Variants in EPB41L4B observed in about 807,000 individuals in gnomAD.
EPB41L4B encodes the protein band 4.1-like protein 4B.
In EPB41L4B, 30 loss-of-function variants were observed where a neutral mutation model predicts 112.5. That is an observed-to-expected ratio of 0.27 (90% CI 0.20 to 0.36). The LOEUF is 0.36. Ranked by LOEUF, EPB41L4B falls within the 10% of genes least tolerant of loss-of-function variation. The pLI, the probability that EPB41L4B is intolerant of heterozygous loss-of-function variation, is 1.00. For synonymous variants in EPB41L4B, 408 were observed against 439.7 expected, an observed-to-expected ratio of 0.93 and a Z score of 0.90; for missense variants, 1,024 against 1,133.3, an observed-to-expected ratio of 0.90 and a Z score of 1.38.
At chr9:109,267,610 G>T in intron 3 of EPB41L4B, 59 bp from the exon 4 acceptor site, 1 of 1,152,810 alleles carries the variant, frequency 8.7e-7, no homozygotes, top group Non-Finnish European at 1.3e-6. Flanking sequence ...AAGATCACAG[G>T]ATGGACAAAA....
At chr9:109,268,314 T>C in intron 3 of EPB41L4B, 77 bp downstream of exon 3, 1 of 1,324,108 alleles carries the variant, frequency 7.6e-7, no homozygotes, top group Non-Finnish European at 1.0e-6. Flanking sequence ...AATGAAAACA[T>C]AACACCTCAA....
chr9:109,240,416 A>C (rs1834313915), intron 15 of EPB41L4B: 1 of 985,346 alleles, frequency 1.0e-6, no homozygotes, highest in Non-Finnish European at 1.2e-6. Context: ...TTTTAGTAAT[A>C]AAATATCTCA....
intron 23 of EPB41L4B, 136 bp downstream of exon 23, chr9:109,185,353 G>A (rs1832214598): frequency 1.4e-6 from 1 of 701,920 alleles, no homozygotes; most frequent in South Asian, 1.7e-5. Context: ...CATCCATCTG[G>A]AGTGAGGGCA....
At chr9:109,303,848 A>C (rs1837073492) in intron 1 of EPB41L4B, among the ~76,000 whole-genome samples, 2 of 152,102 alleles carry the variant, frequency 1.3e-5, no homozygotes, top group Admixed American at 6.6e-5. Flanking sequence ...TGACCGGATA[A>C]GTTTTATAAA....
chr9:109,256,844 A>G (rs1835001500), intron 7 of EPB41L4B, among the ~76,000 whole-genome samples: 1 of 152,208 alleles, frequency 6.6e-6, no homozygotes, highest in African/African-American at 2.4e-5. Context: ...TGGGAGGCTG[A>G]GGAAGGAGAA....
chr9:109,252,375 G>A (rs1213100945), intron 12 of EPB41L4B, among the ~76,000 whole-genome samples: 3 of 152,140 alleles, frequency 2.0e-5, no homozygotes, highest in African/African-American at 4.8e-5. Context: ...CCTCCCGGGC[G>A]CTGTGGCCAC....
intron 2 of EPB41L4B, among the ~76,000 whole-genome samples, chr9:109,272,080 A>G (rs7021115): frequency 0.56 from 85,283 of 151,978 alleles, 24,166 homozygotes; most frequent in East Asian, 0.68. Flanking sequence ...CTCTGCTGGA[A>G]CATCTCCTGA....
At position 109,173,411 on chromosome 9, in the gene EPB41L4B, G is replaced by GT. The variant is rs200071485; in HGVS notation, c.*1142dup. 54,824 of 149,264 alleles carry GT rather than the reference G, an allele frequency of 0.37. 10,050 individuals are homozygous for GT. The highest frequency in any genetic ancestry group is 0.48 in the Middle Eastern group (138 of 288). The allele number at this position is 149,264 out of a possible 1,614,324, so 9.2% of individuals were successfully genotyped here. ...AGGGAATAATCCAAAAGAAGGAGCA[G>GT]TTTTTTTTTTTTACAGACATTCATA... is the stretch of plus-strand genomic sequence containing the variant. On this transcript the variant is annotated 3_prime_UTR_variant, in exon 26 of 26. Transcript: ENST00000374566.
intron 11 of EPB41L4B, among the ~76,000 whole-genome samples, chr9:109,254,107 T>G (rs1431734553): frequency 6.6e-6 from 1 of 152,222 alleles, no homozygotes. Flanking sequence ...ATTTGTCACC[T>G]GCTCTGTGTG....
intron 24 of EPB41L4B, among the ~76,000 whole-genome samples, chr9:109,177,979 G>C (rs1229532266): frequency 6.7e-6 from 1 of 149,868 alleles, no homozygotes; most frequent in African/African-American, 2.5e-5. Flanking sequence ...AGTGCAGTTG[G>C]CACAATGAGA....
chr9:109,191,427 T>A (rs7048295), intron 22 of EPB41L4B, among the ~76,000 whole-genome samples: 21,717 of 151,996 alleles, frequency 0.14, 3,178 homozygotes, highest in African/African-American at 0.37. Flanking sequence ...TTTCATAGCT[T>A]AGTTGGAGAT....
chr9:109,250,965 G>A (rs1323954451), intron 13 of EPB41L4B, among the ~76,000 whole-genome samples: 1 of 152,202 alleles, frequency 6.6e-6, no homozygotes, highest in Non-Finnish European at 1.5e-5. Context: ...TCTCAAACAT[G>A]GACTATGTGG....
chr9:109,256,983 T>C (rs1363530810), intron 7 of EPB41L4B, among the ~76,000 whole-genome samples: 2 of 152,168 alleles, frequency 1.3e-5, no homozygotes, highest in Non-Finnish European at 2.9e-5. Context: ...AGAACAGTGC[T>C]TACAATATGA....
chr9:109,307,019 T>G (rs1013611410), intron 1 of EPB41L4B, among the ~76,000 whole-genome samples: 1 of 151,042 alleles, frequency 6.6e-6, no homozygotes, highest in African/African-American at 2.4e-5. Flanking sequence ...GCAGTTGTTT[T>G]TTTTTTTTTT....
At chr9:109,198,739 C>A (rs1832727117) in intron 20 of EPB41L4B, among the ~76,000 whole-genome samples, 1 of 152,080 alleles carries the variant, frequency 6.6e-6, no homozygotes, top group South Asian at 2.1e-4. Context: ...GAAACCCTGT[C>A]TCTACTAAAA....
intron 22 of EPB41L4B, among the ~76,000 whole-genome samples, chr9:109,189,519 A>C (rs7873353): frequency 0.14 from 21,771 of 152,206 alleles, 3,189 homozygotes; most frequent in African/African-American, 0.37. Context: ...CTTTTTATTA[A>C]TCTGGGCTCT....
At chr9:109,188,698 AG>A (rs1354248667) in intron 22 of EPB41L4B, among the ~76,000 whole-genome samples, 2 of 152,278 alleles carry the variant, frequency 1.3e-5, no homozygotes, top group East Asian at 3.9e-4. Context: ...CACCTAACCC[AG>A]GGCCTGTTCC....
chr9:109,260,946 T>C (rs1835178943), intron 6 of EPB41L4B, among the ~76,000 whole-genome samples: 1 of 152,200 alleles, frequency 6.6e-6, no homozygotes, highest in Non-Finnish European at 1.5e-5. Flanking sequence ...GCTTGCAATA[T>C]TGTGCCAATG....
chr9:109,274,098 T>C (rs1047092992), intron 2 of EPB41L4B, among the ~76,000 whole-genome samples: 1 of 152,202 alleles, frequency 6.6e-6, no homozygotes, highest in African/African-American at 2.4e-5. Flanking sequence ...CCAGATTCTA[T>C]GCTGCAAAGG....
Sources: gnomAD v4.1 joint callset for allele counts (sites outside exome capture counted in the v4.1 genomes callset) on GRCh38, gnomAD v4.1.1 for gene constraint, MANE v1.5 for transcripts, NCBI Gene and HGNC (gene_info 2026-07-23, HGNC 2026-07-21) for gene names.